Variants in ASB4 observed in about 807,000 individuals in gnomAD.
The protein encoded by ASB4 is ankyrin repeat and SOCS box protein 4.
A neutral mutation model predicts 38.6 loss-of-function variants in ASB4; 35 were observed. The observed-to-expected ratio is 0.91, with a 90% CI of 0.69 to 1.20. ASB4 has a LOEUF of 1.20. Ranked by LOEUF, ASB4 falls within the 50% of genes most tolerant of loss-of-function variation. The pLI is 0.00. For missense variants in ASB4, 557 were observed against 527.2 expected, an observed-to-expected ratio of 1.06 and a Z score of -0.55; for synonymous variants, 195 against 201.3, an observed-to-expected ratio of 0.97 and a Z score of 0.26.
chr7:95,540,933 G>A (rs538623210), downstream of ASB4, among the ~76,000 whole-genome samples: 26 of 152,160 alleles, frequency 1.7e-4, no homozygotes, highest in Non-Finnish European at 3.1e-4. Context: ...TGAGTCTTAC[G>A]TTTTTATTAC....
chr7:95,472,445 G>A, the ASB4 span, among the ~76,000 whole-genome samples: 1 of 152,014 alleles, frequency 6.6e-6, no homozygotes, highest in African/African-American at 2.4e-5. Context: ...TGGAATTCTG[G>A]GCAATTTGTA....
At chr7:95,533,228 G>T (rs925386408) in intron 3 of ASB4, among the ~76,000 whole-genome samples, 1 of 152,164 alleles carries the variant, frequency 6.6e-6, no homozygotes, top group African/African-American at 2.4e-5. Flanking sequence ...TAGAATGTTA[G>T]AAGCTGTGTA....
At chr7:95,488,755 G>T (rs1790130042) in intron 1 of ASB4, among the ~76,000 whole-genome samples, 1 of 152,164 alleles carries the variant, frequency 6.6e-6, no homozygotes, top group Non-Finnish European at 1.5e-5. Flanking sequence ...ATAAATAAGT[G>T]TGCAGCTTGA....
chr7:95,536,290 T>C, intron 3 of ASB4, 147 bp from the exon 4 acceptor site: 2 of 536,982 alleles, frequency 3.7e-6, no homozygotes, highest in Admixed American at 3.3e-5. Context: ...GCTCAAGCAA[T>C]CCTCCTGCCT....
Position 95,539,354 on chromosome 7 carries a change from G to A in ASB4, c.*1595G>A, listed in dbSNP as rs960360393. ...GAACTGGGATTGTCTTACTCCCAGGGCTGTGTAAGAAAAGTCATAGGTGGA... is the reference window on the plus strand; with the variant it reads ...GAACTGGGATTGTCTTACTCCCAGGACTGTGTAAGAAAAGTCATAGGTGGA... On this transcript the variant is annotated 3_prime_UTR_variant, in exon 5 of 5. Transcript: ENST00000325885. 1 of 152,162 alleles carries A rather than the reference G, an allele frequency of 6.6e-6. No individual in the cohort carries two copies. The highest frequency in any genetic ancestry group is 2.4e-5 in the African/African-American group (1 of 41,438). The allele number at this position is 152,162 out of a possible 1,614,324, so 9.4% of individuals were successfully genotyped here. A position where few individuals can be genotyped will look rare whatever the true frequency, so the allele number is the denominator to read the frequency against.
chr7:95,544,719 G>A (rs568040971), downstream of ASB4, among the ~76,000 whole-genome samples: 1 of 151,964 alleles, frequency 6.6e-6, no homozygotes, highest in African/African-American at 2.4e-5. Context: ...TTTTGAGATG[G>A]GGTCTCACTC....
Position 95,537,578 on chromosome 7 carries a change from G to T in ASB4, c.1100G>T (p.Trp367Leu), listed in dbSNP as rs140805293. The T allele has an allele frequency of 1.4e-4, 230 of 1,590,824 alleles. 2 individuals carry two copies. In the East Asian group the frequency reaches 2.9e-3, roughly 20 times the overall value. The change falls in exon 5 of 5, where the codon TGG (tryptophan) becomes TTG (leucine). Residue 367 changes from tryptophan to leucine, a missense_variant. Trp to Leu is a moderately conservative substitution (Grantham distance 61). Coordinates refer to ENST00000325885, the MANE Select transcript of ASB4 (RefSeq NM_016116.3). ...TCTTGCCTTCCTTTTCAGAAATACT[G>T]GGATTTTTACCACTCTCTCTTTACT... ...AIPDDDLEKY[W>L]DFYHSLFTVC...
chr7:95,493,086 C>T (rs1790195736), intron 1 of ASB4, among the ~76,000 whole-genome samples: 1 of 152,148 alleles, frequency 6.6e-6, no homozygotes, highest in African/African-American at 2.4e-5. Context: ...TTAGTTCTGC[C>T]ATGGAAAGTC....
chr7:95,527,725 A>T, intron 2 of ASB4, 88 bp from the exon 3 acceptor site: 1 of 1,247,026 alleles, frequency 8.0e-7, no homozygotes, highest in Non-Finnish European at 1.1e-6. Context: ...GTTAAAAGAG[A>T]AGCAGTGAGA....
intron 2 of ASB4, among the ~76,000 whole-genome samples, chr7:95,521,167 A>G (rs1171870363): frequency 6.6e-6 from 1 of 152,134 alleles, no homozygotes; most frequent in Non-Finnish European, 1.5e-5. Context: ...TTTCCTTCAT[A>G]GTAGATCTTT....
At chr7:95,485,291 C>T (rs1442507176), upstream of ASB4, among the ~76,000 whole-genome samples, 1 of 152,110 alleles carries the variant, frequency 6.6e-6, no homozygotes, top group Non-Finnish European at 1.5e-5. Context: ...AAACAGGATT[C>T]AATAAAGTTC....
At chr7:95,513,641 G>A (rs1000747797) in intron 2 of ASB4, among the ~76,000 whole-genome samples, 2 of 152,074 alleles carry the variant, frequency 1.3e-5, no homozygotes, top group African/African-American at 2.4e-5. Flanking sequence ...TGACCAAATA[G>A]CTAAGCAGCA....
At chr7:95,534,010 C>T (rs940403587) in intron 3 of ASB4, among the ~76,000 whole-genome samples, 5 of 152,162 alleles carry the variant, frequency 3.3e-5, no homozygotes, top group Non-Finnish European at 7.3e-5. Flanking sequence ...ATAACTCCAT[C>T]TTAGCTTTCT....
chr7:95,539,249 G>A lies in ASB4; in HGVS notation c.*1490G>A, dbSNP rs144260745. On this transcript the variant is annotated 3_prime_UTR_variant, in exon 5 of 5. Coordinates refer to ENST00000325885, the MANE Select transcript of ASB4 (RefSeq NM_016116.3). The stretch of plus-strand genomic sequence containing the variant: ...TGCTGGAGTGTTGAATAGAGATGAT[G>A]TCAGATATTCCAATAGGCTATCATT... 20 of 152,272 alleles carry A rather than the reference G, an allele frequency of 1.3e-4. No individual in the cohort carries two copies. The East Asian group carries it at 3.7e-3, about 28-fold the overall frequency. 9.4% of individuals were successfully genotyped at this position (152,272 alleles called of 1,614,324 possible). A position where few individuals can be genotyped will look rare whatever the true frequency, so the allele number is the denominator to read the frequency against.
Position 95,495,758 on chromosome 7 carries a change from G to A in ASB4, c.188G>A (p.Gly63Asp). Reference protein sequence around the residue: ...ENMVLASYKQGYWLPSYKLKS... With the variant: ...ENMVLASYKQDYWLPSYKLKS... ...TTTTCCTTTTTTTTTTTTTTTTCAG[G>A]TTACTGGTTGCCTAGCTATAAATTG... Residue 63 changes from glycine (G) to aspartate (D), a missense_variant and splice_region_variant, in exon 2 of 5, where the codon GGT becomes GAT. Transcript: ENST00000325885. The A allele has an allele frequency of 6.5e-7, 1 of 1,529,650 alleles. No homozygotes were observed. The highest frequency in any genetic ancestry group is 8.8e-7 in the Non-Finnish European group (1 of 1,134,216). 94.8% of individuals were successfully genotyped at this position (1,529,650 alleles called of 1,614,324 possible).
At chr7:95,528,419 A>G in intron 3 of ASB4, 116 bp downstream of exon 3, 2 of 1,544,520 alleles carry the variant, frequency 1.3e-6, no homozygotes, top group Admixed American at 1.8e-5. Context: ...ACTACCTCTG[A>G]TCCTCTTTGA....
In ASB4 at chr7:95,527,955, C is replaced by G. The variant is rs750427927; in HGVS notation, c.630C>G (p.Thr210=). ...IVDSVNAHME[T]PLAIAAYWAL... ...ACAGCGTGAATGCCCACATGGAGAC[C>G]CCCCTGGCCATCGCCGCCTACTGGG... The change falls in exon 3 of 5, where the codon ACC becomes ACG. Residue 210 remains threonine (T), a synonymous_variant. Coordinates refer to ENST00000325885, the MANE Select transcript of ASB4 (RefSeq NM_016116.3). 11 of 1,614,106 alleles carry G rather than the reference C, an allele frequency of 6.8e-6. No individual in the cohort carries two copies. Among genetic ancestry groups the G allele is most frequent in the Non-Finnish European group, 8.5e-6 (10 of 1,180,030 alleles).
chr7:95,497,604 A>C (rs925526625), intron 2 of ASB4, among the ~76,000 whole-genome samples: 1 of 152,216 alleles, frequency 6.6e-6, no homozygotes, highest in African/African-American at 2.4e-5. Flanking sequence ...TAACAGTACA[A>C]TTTAACATTT....
At chr7:95,527,740 T>C (rs1237594644) in intron 2 of ASB4, 73 bp from the exon 3 acceptor site, 50 of 1,382,602 alleles carry the variant, frequency 3.6e-5, no homozygotes, top group Non-Finnish European at 4.6e-5. Context: ...GTGAGAAAAG[T>C]CTTGTTTAAT....
Sources: allele counts gnomAD v4.1 joint callset (sites outside exome capture counted in the v4.1 genomes callset), GRCh38; gene constraint gnomAD v4.1.1; transcripts MANE v1.5; gene names NCBI Gene and HGNC (gene_info 2026-07-23, HGNC 2026-07-21).